The following ESD variants were observed in gnomAD, a reference collection of about 807,000 sequenced individuals.
ESD encodes the protein S-formylglutathione hydrolase.
A neutral mutation model predicts 38.1 loss-of-function variants in ESD; 34 were observed. That is an observed-to-expected ratio of 0.89 (90% confidence interval 0.68 to 1.19). The LOEUF is 1.19. Among genes scored for constraint, ESD ranks in the 50% most tolerant of loss-of-function variants. ESD has a pLI of 0.00. For missense variants in ESD, 334 were observed against 327.2 expected (o/e 1.02, Z -0.16); for synonymous variants, 97 against 107.0 (o/e 0.91, Z 0.58).
chr13:46,778,188 TATCAAC>T (rs1874872510), intron 8 of ESD, among the ~76,000 whole-genome samples: 3 of 151,874 alleles, frequency 2.0e-5, no homozygotes, highest in Non-Finnish European at 4.4e-5. Context: ...ATCTGAATCA[TATCAAC>T]ATCATCTCAA....
chr13:46,786,188 TC>T (rs1875187058), intron 4 of ESD, among the ~76,000 whole-genome samples: 1 of 152,054 alleles, frequency 6.6e-6, no homozygotes, highest in Non-Finnish European at 1.5e-5. Flanking sequence ...AGAAATGTTT[TC>T]TTGAGTTAAA....
In ESD at chr13:46,782,729, C is replaced by T. The variant is rs1875051016; in HGVS notation, c.319G>A (p.Val107Ile). 1 of 1,612,260 alleles carries T rather than the reference C, an allele frequency of 6.2e-7. No homozygotes were observed. Among genetic ancestry groups the T allele is most frequent in the African/African-American group, 1.3e-5 (1 of 74,774 alleles). ...TTCCAAGGATCTTCAGTGGCATCAA[C>T]ATAAAATCCAGCACCAGTGCCAAAG... ...WDFGTGAGFY[V>I]DATEDPWKTN... The change falls in exon 6 of 10, where the codon GTT (valine) becomes ATT (isoleucine). Residue 107 changes from valine to isoleucine, a missense_variant. Transcript: ENST00000378720.
Position 46,791,276 on chromosome 13 carries a change from T to A in ESD, c.68+70A>T, listed in dbSNP as rs534908517. On this transcript the variant is annotated intron_variant, in intron 3 of 9. Transcript: ENST00000378720. Reference sequence around the variant, plus strand: ...AGGTACTATAATATCTAGATAAAGATTGGTTTTAAAATAGAACAAAATAAT... The same window carrying A: ...AGGTACTATAATATCTAGATAAAGAATGGTTTTAAAATAGAACAAAATAAT... 8.0e-6 allele frequency: 9 copies of A among 1,130,534 alleles called. No individual in the cohort carries two copies. In the African/African-American group the frequency reaches 1.4e-4, roughly 18 times the overall value. The allele number at this position is 1,130,534 out of a possible 1,614,324, so 70.0% of individuals were successfully genotyped here. A position where few individuals can be genotyped will look rare whatever the true frequency, so the allele number is the denominator to read the frequency against.
chr13:46,772,897 G>C (rs1016867193), intron 9 of ESD, among the ~76,000 whole-genome samples: 2 of 152,082 alleles, frequency 1.3e-5, no homozygotes, highest in Non-Finnish European at 2.9e-5. Context: ...TGTTAGCCAG[G>C]ATGGTCTCGA....
chr13:46,783,147 T>A (rs1028672746), intron 5 of ESD, among the ~76,000 whole-genome samples: 1 of 151,994 alleles, frequency 6.6e-6, no homozygotes, highest in Non-Finnish European at 1.5e-5. Flanking sequence ...CCTCTTTTTA[T>A]CTTTCAGAAA....
rs189423285 is a variant in ESD at position 46,787,918 on chromosome 13, A to T, written c.69-809T>A. On this transcript the variant is annotated intron_variant, in intron 3 of 9. Coordinates refer to ENST00000378720, the MANE Select transcript of ESD (RefSeq NM_001984.2). ...GTATTTATGTCCCTATCTACATAAT[A>T]TGACTTTATTACTGCTTCTAGATTT... Among the ~76,000 whole-genome samples the T allele has an allele frequency of 8.5e-5, 13 of 152,056 alleles. No individual in the cohort carries two copies. The East Asian group carries it at 2.5e-3, about 29-fold the overall frequency.
chr13:46,794,384 T>C (rs1026411632), intron 1 of ESD, among the ~76,000 whole-genome samples: 2 of 152,144 alleles, frequency 1.3e-5, no homozygotes, highest in African/African-American at 2.4e-5. Flanking sequence ...GCCCAGGTTG[T>C]AGTACAGTTG....
chr13:46,772,903 C>G (rs1393048930), intron 9 of ESD, among the ~76,000 whole-genome samples: 6 of 152,138 alleles, frequency 3.9e-5, no homozygotes, highest in East Asian at 1.9e-4. Flanking sequence ...CCAGGATGGT[C>G]TCGATCTCCT....
At chr13:46,786,323 C>T (rs563811142) in intron 4 of ESD, among the ~76,000 whole-genome samples, 1 of 152,056 alleles carries the variant, frequency 6.6e-6, no homozygotes, top group East Asian at 1.9e-4. Flanking sequence ...ATCAAAGTTA[C>T]AGGAACCAAT....
At chr13:46,778,762 T>TTA (rs1284859615) in intron 8 of ESD, among the ~76,000 whole-genome samples, 2 of 151,732 alleles carry the variant, frequency 1.3e-5, no homozygotes, top group Non-Finnish European at 3.0e-5. Flanking sequence ...AAGGACCTAA[T>TTA]CCTAAATCAT....
At chr13:46,782,822 G>T (rs1195460193) in intron 5 of ESD, 31 bp from the exon 6 acceptor site, 1 of 1,609,284 alleles carries the variant, frequency 6.2e-7, no homozygotes, top group East Asian at 2.2e-5. Context: ...GGTTTCATCT[G>T]CTCTGTAGTA....
chr13:46,780,025 T>C lies in ESD; in HGVS notation c.510A>G (p.Ser170=). ...CAGGGTTGCAAATTGGAGCAAATGC[T>C]GACACAGACTTCAGAAACAAAAGAA... is the stretch of plus-strand genomic sequence containing the variant. The part of the protein sequence containing the change: ...LKNPGKYKSV[S]AFAPICNPVL... The change falls in exon 8 of 10, where the codon TCA becomes TCG. Residue 170 remains serine, a synonymous_variant. Coordinates refer to ENST00000378720, the MANE Select transcript of ESD (RefSeq NM_001984.2). 6.3e-7 allele frequency: 1 copy of C among 1,589,264 alleles called. No individual in the cohort carries two copies. The highest frequency in any genetic ancestry group is 8.6e-7 in the Non-Finnish European group (1 of 1,166,924).
intron 1 of ESD, among the ~76,000 whole-genome samples, chr13:46,795,543 T>C (rs796273992): frequency 6.6e-6 from 1 of 152,184 alleles, no homozygotes; most frequent in South Asian, 2.1e-4. Context: ...AGGTGGAGAC[T>C]ACTAATCCCT....
chr13:46,787,180 G>T, intron 3 of ESD, 71 bp from the exon 4 acceptor site: 1 of 813,648 alleles, frequency 1.2e-6, no homozygotes, highest in Non-Finnish European at 1.9e-6. Flanking sequence ...AAATAATTAT[G>T]CACTATATAA....
intron 1 of ESD, among the ~76,000 whole-genome samples, chr13:46,794,357 G>C (rs573648048): frequency 5.3e-5 from 8 of 152,150 alleles, no homozygotes; most frequent in African/African-American, 1.9e-4. Flanking sequence ...TTTTGGAGAT[G>C]GGGTCTTGGC....
intron 8 of ESD, among the ~76,000 whole-genome samples, 197 bp from the exon 9 acceptor site, chr13:46,777,820 A>C (rs969479706): frequency 1.8e-4 from 27 of 151,846 alleles, no homozygotes; most frequent in African/African-American, 6.3e-4. Flanking sequence ...TTCTAATAAT[A>C]GTCTCTTCCC....
At chr13:46,774,449 A>C (rs1593403186) in intron 9 of ESD, among the ~76,000 whole-genome samples, 1 of 152,178 alleles carries the variant, frequency 6.6e-6, no homozygotes. Flanking sequence ...GGCTTCTTTA[A>C]TTAAATTCTT....
At position 46,784,384 on chromosome 13, in the gene ESD, T is replaced by C; in HGVS notation, c.158-34A>G. Reference sequence around the variant, plus strand: ...AAAAAATATTGTTATTGGGCACACATGGACATGAAGATGTGCACCATTAAT... The same window carrying C: ...AAAAAATATTGTTATTGGGCACACACGGACATGAAGATGTGCACCATTAAT... On this transcript the variant is annotated intron_variant, in intron 4 of 9. Coordinates refer to ENST00000378720, the MANE Select transcript of ESD (RefSeq NM_001984.2). 3.5e-6 allele frequency: 5 copies of C among 1,439,944 alleles called. No homozygotes were observed. In the South Asian group the frequency reaches 4.6e-5, roughly 13 times the overall value. 89.2% of individuals were successfully genotyped at this position (1,439,944 alleles called of 1,614,324 possible).
At chr13:46,795,500 A>G (rs900665035) in intron 1 of ESD, among the ~76,000 whole-genome samples, 3 of 152,246 alleles carry the variant, frequency 2.0e-5, no homozygotes, top group Admixed American at 6.5e-5. Context: ...TAATGAGCAG[A>G]TGAGAACTGC....
Sources: allele counts gnomAD v4.1 joint callset (sites outside exome capture counted in the v4.1 genomes callset), GRCh38; gene constraint gnomAD v4.1.1; transcripts MANE v1.5; gene names NCBI Gene and HGNC (gene_info 2026-07-23, HGNC 2026-07-21).